The following PHF12 variants were observed in gnomAD, a reference collection of about 807,000 sequenced individuals.
PHF12 encodes PHD finger protein 12, also known as PHD factor 1.
Under a neutral mutation model 99.8 loss-of-function variants are expected in PHF12, and 6 were observed. The ratio of observed to expected loss-of-function variants is 0.06; its 90% CI spans 0.03 to 0.12. The LOEUF is 0.12. PHF12 is among the 10% of genes least tolerant of loss of function. The pLI is 1.00. For missense variants in PHF12, 954 were observed against 1,300.1 expected, an observed-to-expected ratio of 0.73 and a Z score of 4.09; for synonymous variants, 480 against 514.9, an observed-to-expected ratio of 0.93 and a Z score of 0.92.
intron 3 of PHF12, 87 bp from the exon 4 acceptor site, chr17:28,924,389 A>G (rs773688829): frequency 1.9e-6 from 3 of 1,585,334 alleles, no homozygotes; most frequent in South Asian, 1.1e-5. Flanking sequence ...ACCACTAATC[A>G]AAACTGTAAA....
At chr17:28,911,378 C>T in intron 9 of PHF12, 141 bp from the exon 10 acceptor site, 1 of 1,199,234 alleles carries the variant, frequency 8.3e-7, no homozygotes, top group African/African-American at 1.5e-5. Context: ...CTCTGGAACT[C>T]CTAGAGCTAA....
At chr17:28,908,669 G>A in intron 12 of PHF12, 114 bp downstream of exon 12, 2 of 969,818 alleles carry the variant, frequency 2.1e-6, no homozygotes, top group Non-Finnish European at 3.2e-6. Context: ...CTGATTTAAA[G>A]CAGTCAACTC....
rs760124015 is a variant in PHF12, at chr17:28,912,464, A to T, written c.2089+18T>A. The T allele has an allele frequency of 1.6e-5, 25 of 1,564,396 alleles. No homozygotes were observed. The highest frequency in any genetic ancestry group is 1.8e-5 in the Admixed American group (1 of 54,304). Reference sequence around the variant, plus strand: ...CATAAAATTATTCCAAATCAACCCAAGGCTGAGCAGCACTCACCTGACGAT... The same window carrying T: ...CATAAAATTATTCCAAATCAACCCATGGCTGAGCAGCACTCACCTGACGAT... On this transcript the variant is annotated intron_variant, in intron 9 of 14. Coordinates refer to ENST00000332830, the MANE Select transcript of PHF12 (RefSeq NM_001033561.2).
intron 5 of PHF12, among the ~76,000 whole-genome samples, chr17:28,921,365 C>A (rs941272918): frequency 1.3e-5 from 2 of 152,130 alleles, no homozygotes; most frequent in Non-Finnish European, 2.9e-5. Context: ...CAAGGTTTCA[C>A]TGTGTTGCCC....
chr17:28,942,103 A>G (rs1219140593), intron 2 of PHF12, among the ~76,000 whole-genome samples: 1 of 152,226 alleles, frequency 6.6e-6, no homozygotes, highest in African/African-American at 2.4e-5. Flanking sequence ...TTGAAACAAC[A>G]ACATACCAAA....
chr17:28,918,082 C>T (rs923757145), intron 6 of PHF12, among the ~76,000 whole-genome samples: 8 of 152,208 alleles, frequency 5.3e-5, no homozygotes, highest in African/African-American at 1.9e-4. Context: ...CAATAATATA[C>T]GAAGGCATAC....
intron 6 of PHF12, among the ~76,000 whole-genome samples, chr17:28,918,193 A>T (rs534227363): frequency 2.6e-5 from 4 of 152,346 alleles, no homozygotes; most frequent in African/African-American, 9.6e-5. Flanking sequence ...AATCAGGAAA[A>T]ACCTTTAAGT....
chr17:28,919,104 T>A (rs1013248179), intron 6 of PHF12, 39 bp downstream of exon 6: 2 of 1,595,456 alleles, frequency 1.3e-6, no homozygotes, highest in African/African-American at 2.7e-5. Flanking sequence ...ACGCTCCAGC[T>A]ATGCCCATTG....
chr17:28,912,899 CAGT>C lies in PHF12; in HGVS notation c.1669_1671del (p.Thr557del). On this transcript the variant is annotated inframe_deletion, in exon 9 of 15. Coordinates refer to ENST00000332830, the MANE Select transcript of PHF12 (RefSeq NM_001033561.2). ...GGAAGTCGCCGGGGGTCCGTGGAAT[CAGT>C]AGGGCTGCTGTAGAGGTGTGGGCCA... The C allele has an allele frequency of 6.2e-7, 1 of 1,613,982 alleles. No individual in the cohort carries two copies. Among genetic ancestry groups the C allele is most frequent in the Non-Finnish European group, 8.5e-7 (1 of 1,179,870 alleles).
At position 28,949,773 on chromosome 17, in the gene PHF12, G is replaced by GCTGTCCCCGGCCGGCT. The variant is rs2040777062; in HGVS notation, c.248+276_248+291dup. On this transcript the variant is annotated intron_variant, in intron 2 of 14. Coordinates refer to ENST00000332830, the MANE Select transcript of PHF12 (RefSeq NM_001033561.2). This position sits in a 1 kb window ranked among gnomAD's most constrained non-coding sequence, Gnocchi z 4.6. ...TCCCCTTCCTCCCCCGCCACTGCCG[G>GCTGTCCCCGGCCGGCT]CTGTCCCCGGCCGGCTCTGTCCCGG... The GCTGTCCCCGGCCGGCT allele has an allele frequency of 3.4e-6, 1 of 294,330 alleles. No individual in the cohort carries two copies. Among genetic ancestry groups the GCTGTCCCCGGCCGGCT allele is most frequent in the Non-Finnish European group, 6.3e-6 (1 of 159,520 alleles). 18.2% of individuals were successfully genotyped at this position (294,330 alleles called of 1,614,324 possible).
intron 3 of PHF12, chr17:28,926,589 C>A (rs1423957516): frequency 8.1e-6 from 3 of 368,406 alleles, no homozygotes; most frequent in Non-Finnish European, 1.6e-5. Context: ...AAAATCCTCT[C>A]CGTCAGTATG....
At position 28,905,673 on chromosome 17, in the gene PHF12, G is replaced by A. The variant is rs888106612; in HGVS notation, c.*510C>T. On this transcript the variant is annotated 3_prime_UTR_variant, in exon 15 of 15. Transcript: ENST00000332830. ...AACCGCTGCAGAAAGGGAAAATAACGTGGAGGGTGGGAACCATGGAAGGAA... is the reference window on the plus strand; with the variant it reads ...AACCGCTGCAGAAAGGGAAAATAACATGGAGGGTGGGAACCATGGAAGGAA... The A allele has an allele frequency of 1.3e-5, 2 of 152,830 alleles. No individual in the cohort carries two copies. The highest frequency in any genetic ancestry group is 2.4e-5 in the African/African-American group (1 of 41,440). The allele number at this position is 152,830 out of a possible 1,614,324, so 9.5% of individuals were successfully genotyped here.
rs766668396 is a variant in PHF12 at position 28,910,263 on chromosome 17, C to G, written c.2322G>C (p.Gly774=). Residue 774 remains glycine, a synonymous_variant, in exon 11 of 15, where the codon GGG becomes GGC. Transcript: ENST00000332830. ...GCCCTCCAGAAGCCAGCTGATGTGT[C>G]CCGACACTGCCCGGTGAAGGTTGGA... is the stretch of plus-strand genomic sequence containing the variant. ...SRVQPSPGSV[G]THQLASGGHH... 1 of 1,614,070 alleles carries G rather than the reference C, an allele frequency of 6.2e-7. No individual in the cohort carries two copies. Among genetic ancestry groups the G allele is most frequent in the Non-Finnish European group, 8.5e-7 (1 of 1,180,038 alleles).
chr17:28,933,774 G>A (rs1379626644), intron 2 of PHF12, among the ~76,000 whole-genome samples: 2 of 152,130 alleles, frequency 1.3e-5, no homozygotes. Flanking sequence ...TCTAGGCCAG[G>A]CTGTAGCTCA....
At chr17:28,942,256 G>C (rs1485209206) in intron 2 of PHF12, among the ~76,000 whole-genome samples, 1 of 152,098 alleles carries the variant, frequency 6.6e-6, no homozygotes, top group Non-Finnish European at 1.5e-5. Context: ...GCTAGGTTAA[G>C]ACTAAAAAAT....
intron 9 of PHF12, 170 bp downstream of exon 9, chr17:28,912,312 G>A: frequency 4.3e-6 from 6 of 1,398,908 alleles, no homozygotes; most frequent in Non-Finnish European, 5.5e-6. Flanking sequence ...TTATAAACGG[G>A]ACAAGTTAAC....
intron 2 of PHF12, among the ~76,000 whole-genome samples, chr17:28,931,164 T>C (rs2040394725): frequency 2.0e-5 from 3 of 152,082 alleles, no homozygotes; most frequent in Admixed American, 6.5e-5. Flanking sequence ...AAAGTATGGA[T>C]AGGGGCTATG....
Position 28,949,586 on chromosome 17 carries a change from G to C in PHF12, c.248+479C>G, listed in dbSNP as rs2040773396. ...GGCGGACTCGAGAGACACCCTCCAC[G>C]ATTTTTTCTACAGCCACAAGCGCCC... On this transcript the variant is annotated intron_variant, in intron 2 of 14. Coordinates refer to ENST00000332830, the MANE Select transcript of PHF12 (RefSeq NM_001033561.2). The surrounding 1 kb of genome is among the most constrained non-coding windows in gnomAD (Gnocchi z 4.6). 1 of 156,204 alleles carries C rather than the reference G, an allele frequency of 6.4e-6. No homozygotes were observed. Among genetic ancestry groups the C allele is most frequent in the Admixed American group, 6.5e-5 (1 of 15,390 alleles). The allele number at this position is 156,204 out of a possible 1,614,324, so 9.7% of individuals were successfully genotyped here.
In PHF12 at chr17:28,907,638, A is replaced by G. The variant is rs541236615; in HGVS notation, c.2493T>C (p.Gly831=). The part of the protein sequence containing the change: ...ADMDVCLTNY[G]HCNYVSGKHA... ...GTTTCCCGGACACGTAGTTACAGTG[A>G]CCATAGTTTGTAAGGCACACATCCA... The change falls in exon 13 of 15, where the codon GGT becomes GGC. Residue 831 remains glycine (G), a synonymous_variant. Coordinates refer to ENST00000332830, the MANE Select transcript of PHF12 (RefSeq NM_001033561.2). 2 of 1,613,968 alleles carry G rather than the reference A, an allele frequency of 1.2e-6. No individual in the cohort carries two copies. Among genetic ancestry groups the G allele is most frequent in the Admixed American group, 1.7e-5 (1 of 60,026 alleles).
Sources: allele counts gnomAD v4.1 joint callset (sites outside exome capture counted in the v4.1 genomes callset), GRCh38; gene constraint gnomAD v4.1.1; non-coding constraint Gnocchi (gnomAD v3.1); transcripts MANE v1.5; gene names NCBI Gene and HGNC (gene_info 2026-07-23, HGNC 2026-07-21).